Variants in NUDC observed in about 807,000 individuals in gnomAD.
The protein encoded by NUDC is nuclear migration protein nudC.
Under a neutral mutation model 45.0 loss-of-function variants are expected in NUDC, and 14 were observed. That is an observed-to-expected ratio of 0.31 (90% CI 0.21 to 0.49). The LOEUF is 0.49. NUDC is among the 20% of genes least tolerant of loss of function. The pLI, the probability that NUDC is intolerant of heterozygous loss-of-function variation, is 0.99. For synonymous variants in NUDC, 153 were observed against 156.7 expected, an observed-to-expected ratio of 0.98 and a Z score of 0.17; for missense variants, 323 against 426.2, an observed-to-expected ratio of 0.76 and a Z score of 2.13.
intron 2 of NUDC, among the ~76,000 whole-genome samples, chr1:26,907,456 T>C (rs114393709): frequency 8.3e-4 from 126 of 152,140 alleles, no homozygotes; most frequent in Middle Eastern, 3.4e-3. Flanking sequence ...AGTACAGGGG[T>C]TGGTACAAAT....
intron 3 of NUDC, among the ~76,000 whole-genome samples, chr1:26,916,226 CA>C (rs954501564): frequency 1.0e-3 from 146 of 140,270 alleles, no homozygotes; most frequent in Middle Eastern, 7.2e-3. Flanking sequence ...TCATCTCTAC[CA>C]AAAAAAAAAA....
At chr1:26,902,982 G>A (rs899195596) in intron 2 of NUDC, among the ~76,000 whole-genome samples, 22 of 151,876 alleles carry the variant, frequency 1.4e-4, no homozygotes, top group African/African-American at 4.8e-4. Context: ...CCCAGGAGGC[G>A]GAGGTTGCAG....
chr1:26,901,877 G>T lies in NUDC; in HGVS notation c.-100-405G>T, dbSNP rs116144480. Among the ~76,000 whole-genome samples, 440 of 152,268 alleles carry T rather than the reference G, an allele frequency of 2.9e-3. 2 individuals carry two copies. The highest frequency in any genetic ancestry group is 0.01 in the African/African-American group (418 of 41,548). ...TCAGTGGTTCACGCCTGTAATCCCA[G>T]CACTTTGGCAAGCTGGTGTAGGAGG... On this transcript the variant is annotated intron_variant, in intron 1 of 6. Coordinates refer to the NUDC transcript ENST00000435827.
intron 4 of NUDC, among the ~76,000 whole-genome samples, chr1:26,942,025 G>A (rs1387267445): frequency 1.3e-5 from 2 of 152,142 alleles, no homozygotes; most frequent in African/African-American, 4.8e-5. Flanking sequence ...CAGGCGCAGT[G>A]GCTCACACCT....
At chr1:26,943,599 A>T (rs1010010149) in intron 6 of NUDC, among the ~76,000 whole-genome samples, 2 of 152,176 alleles carry the variant, frequency 1.3e-5, no homozygotes, top group Non-Finnish European at 2.9e-5. Flanking sequence ...CTTCTTTTTC[A>T]CTAGGTTTGT....
At chr1:26,922,059 C>A (rs2082096025) in intron 1 of NUDC, 130 bp downstream of exon 1, 2 of 951,542 alleles carry the variant, frequency 2.1e-6, no homozygotes, top group Non-Finnish European at 3.2e-6. Context: ...ATTCTCACTG[C>A]GCCCAGCTTC....
intron 3 of NUDC, 35 bp downstream of exon 3, chr1:26,941,695 T>C: frequency 1.2e-6 from 2 of 1,612,580 alleles, no homozygotes; most frequent in Non-Finnish European, 1.7e-6. Context: ...ACCCCTCAGA[T>C]CCCCCCTGGC....
At chr1:26,913,393 G>A in intron 3 of NUDC, 1 of 1,613,356 alleles carries the variant, frequency 6.2e-7, no homozygotes. Context: ...CCACCCAGGA[G>A]TGTCTGGGAG....
At chr1:26,940,834 C>T (rs867587314) in intron 2 of NUDC, among the ~76,000 whole-genome samples, 46 of 152,240 alleles carry the variant, frequency 3.0e-4, no homozygotes, top group African/African-American at 8.4e-4. Context: ...TACAGGCGCA[C>T]GCCACCGCGC....
In NUDC at chr1:26,921,933, A is replaced by ACGGCCCGCGCGGCGT; in HGVS notation, c.81+11_81+25dup. ...GCACGAGGGCGGCGTGCAGGAGGTA[A>ACGGCCCGCGCGGCGT]CGGCCCGCGCGGCGTCGGCCCACCC... On this transcript the variant is annotated splice_donor_region_variant and intron_variant, in intron 1 of 8. Coordinates refer to ENST00000321265, the MANE Select transcript of NUDC (RefSeq NM_006600.4). The ACGGCCCGCGCGGCGT allele has an allele frequency of 6.5e-7, 1 of 1,550,306 alleles. No homozygotes were observed.
At chr1:26,936,341 C>T (rs2082234197) in intron 2 of NUDC, among the ~76,000 whole-genome samples, 1 of 150,408 alleles carries the variant, frequency 6.6e-6, no homozygotes, top group South Asian at 2.1e-4. Flanking sequence ...AGGCATGCGC[C>T]ACCACGCCCA....
chr1:26,906,260 G>GA (rs1172383191), intron 2 of NUDC, among the ~76,000 whole-genome samples: 1 of 150,694 alleles, frequency 6.6e-6, no homozygotes, highest in Non-Finnish European at 1.5e-5. Flanking sequence ...CCCTGGGCAA[G>GA]AGAGTGAGAC....
rs1440804162 is a variant in NUDC at position 26,921,751 on chromosome 1, C to A, written c.-98C>A. ...GTGTTTCCGGCTCCGCTGCGGAAGG[C>A]GGACGACTAGAGTCGTTGGGCCCGG... On this transcript the variant is annotated 5_prime_UTR_variant, in exon 1 of 9. Coordinates refer to ENST00000321265, the MANE Select transcript of NUDC (RefSeq NM_006600.4). 16 of 1,311,162 alleles carry A rather than the reference C, an allele frequency of 1.2e-5. No homozygotes were observed. Among genetic ancestry groups the A allele is most frequent in the Non-Finnish European group, 1.7e-5 (16 of 936,290 alleles). The allele number at this position is 1,311,162 out of a possible 1,614,324, so 81.2% of individuals were successfully genotyped here.
At position 26,921,948 on chromosome 1, in the gene NUDC, T is replaced by C. The variant is rs1451790103; in HGVS notation, c.81+19T>C. ...GCAGGAGGTAACGGCCCGCGCGGCG[T>C]CGGCCCACCCGGCGGCCTTGGCCAC... On this transcript the variant is annotated intron_variant, in intron 1 of 8. Transcript: ENST00000321265. The C allele has an allele frequency of 3.2e-6, 5 of 1,548,628 alleles. No individual in the cohort carries two copies. The East Asian group carries it at 9.8e-5, about 30-fold the overall frequency.
In NUDC at chr1:26,941,505, C is replaced by G. The variant is rs140994074; in HGVS notation, c.208C>G (p.Arg70Gly). 5.0e-4 allele frequency: 815 copies of G among 1,614,016 alleles called. 3 individuals carry two copies. The highest frequency in any genetic ancestry group is 2.0e-3 in the South Asian group (186 of 91,034). Residue 70 changes from arginine to glycine, a missense_variant, in exon 3 of 9, where the codon CGG becomes GGG. By Grantham distance (125) the Arg-to-Gly change is moderately radical (BLOSUM62 -2). Coordinates refer to ENST00000321265, the MANE Select transcript of NUDC (RefSeq NM_006600.4). ...CCACAATCAGCTGGCACAGAAGACC[C>G]GGCGGGAGAAGAGAGCCCGGCAGGA... is the stretch of plus-strand genomic sequence containing the variant. ...SHHNQLAQKT[R>G]REKRARQEAE... is the part of the protein sequence containing the mutation.
At position 26,921,779 on chromosome 1, in the gene NUDC, C is replaced by A. The variant is rs1192188364; in HGVS notation, c.-70C>A. ...ACGACTAGAGTCGTTGGGCCCGGCGCGACCCGCAGGAGCGTAGAGAGCGCG... is the reference window on the plus strand; with the variant it reads ...ACGACTAGAGTCGTTGGGCCCGGCGAGACCCGCAGGAGCGTAGAGAGCGCG... On this transcript the variant is annotated 5_prime_UTR_variant, in exon 1 of 9. Coordinates refer to ENST00000321265, the MANE Select transcript of NUDC (RefSeq NM_006600.4). The A allele has an allele frequency of 6.7e-7, 1 of 1,493,600 alleles. No homozygotes were observed. Among genetic ancestry groups the A allele is most frequent in the African/African-American group, 1.4e-5 (1 of 71,942 alleles). 92.5% of individuals were successfully genotyped at this position (1,493,600 alleles called of 1,614,324 possible).
At chr1:26,914,086 A>G in intron 3 of NUDC, 1 of 618,600 alleles carries the variant, frequency 1.6e-6, no homozygotes, top group Non-Finnish European at 2.4e-6. Flanking sequence ...ACACACAGAC[A>G]TTGCCCCTGG....
At chr1:26,933,315 T>C (rs2082198949) in intron 2 of NUDC, among the ~76,000 whole-genome samples, 1 of 152,198 alleles carries the variant, frequency 6.6e-6, no homozygotes, top group Non-Finnish European at 1.5e-5. Flanking sequence ...ATAGTACTTT[T>C]GTGAACATAG....
chr1:26,945,864 G>C (rs142046044), intron 8 of NUDC, among the ~76,000 whole-genome samples, 178 bp downstream of exon 8: 2 of 152,238 alleles, frequency 1.3e-5, no homozygotes, highest in African/African-American at 4.8e-5. Flanking sequence ...GTCATCTTGA[G>C]GGCAAGGCCG....
Sources: gnomAD v4.1 joint callset for allele counts (sites outside exome capture counted in the v4.1 genomes callset) on GRCh38, gnomAD v4.1.1 for gene constraint, MANE v1.5 for transcripts, NCBI Gene and HGNC (gene_info 2026-07-23, HGNC 2026-07-21) for gene names.